SLC38A2: variants seen among roughly 807,000 people sequenced by gnomAD.
SLC38A2 encodes sodium-coupled neutral amino acid symporter 2.
In SLC38A2, 11 loss-of-function variants were observed where a neutral mutation model predicts 61.5. That is an observed-to-expected ratio of 0.18 (90% confidence interval 0.11 to 0.30). SLC38A2 has a LOEUF of 0.30. SLC38A2 is among the 10% of genes least tolerant of loss of function. The pLI is 1.00. For synonymous variants in SLC38A2, 217 were observed against 212.5 expected (o/e 1.02, Z -0.18); for missense variants, 522 against 600.4 (o/e 0.87, Z 1.36).
rs1943193171 is a variant in SLC38A2 at position 46,371,173 on chromosome 12, C to T, written c.116+5G>A. The T allele has an allele frequency of 5.0e-6, 8 of 1,613,912 alleles. No individual in the cohort carries two copies. Among genetic ancestry groups the T allele is most frequent in the Non-Finnish European group, 6.8e-6 (8 of 1,179,732 alleles). ...TTTTTTCAAAAGTGTCACAACTTCT[C>T]CCACCTTTTCAGAGCAGCTTGCTTG... On this transcript the variant is annotated splice_donor_5th_base_variant and intron_variant, in intron 2 of 15. Coordinates refer to ENST00000256689, the MANE Select transcript of SLC38A2 (RefSeq NM_018976.5).
rs1221099362 is a variant in SLC38A2 at position 46,366,932 on chromosome 12, G to A, written c.495C>T (p.Tyr165=). ...TMQNIGAMSS[Y]LFIVKYELPL... Reference sequence around the variant, plus strand: ...GCAACTCATATTTCACTATGAAGAGGTAGCTTGACATAGCTGGAGGAAAAC... The same window carrying A: ...GCAACTCATATTTCACTATGAAGAGATAGCTTGACATAGCTGGAGGAAAAC... The change falls in exon 7 of 16, where the codon TAC becomes TAT. Residue 165 remains tyrosine, a synonymous_variant. Coordinates refer to ENST00000256689, the MANE Select transcript of SLC38A2 (RefSeq NM_018976.5). The A allele has an allele frequency of 1.2e-5, 19 of 1,613,594 alleles. No homozygotes were observed. The highest frequency in any genetic ancestry group is 1.5e-5 in the Non-Finnish European group (18 of 1,179,928).
Position 46,371,189 on chromosome 12 carries a change from A to C in SLC38A2, c.105T>G (p.Ala35=). 1 of 1,614,172 alleles carries C rather than the reference A, an allele frequency of 6.2e-7. No homozygotes were observed. The highest frequency in any genetic ancestry group is 1.1e-5 in the South Asian group (1 of 91,082). The stretch of plus-strand genomic sequence containing the variant: ...ACAACTTCTCCCACCTTTTCAGAGC[A>C]GCTTGCTTGGTGGGGTAGGAGTAGT... The part of the protein sequence containing the change: ...DFNYSYPTKQ[A]ALKSHYADVD... Residue 35 remains alanine, a synonymous_variant, in exon 2 of 16, where the codon GCT becomes GCG. Coordinates refer to ENST00000256689, the MANE Select transcript of SLC38A2 (RefSeq NM_018976.5).
chr12:46,364,363 T>C (rs201068024), intron 10 of SLC38A2, 26 bp downstream of exon 10: 2 of 1,511,244 alleles, frequency 1.3e-6, no homozygotes, highest in African/African-American at 3.2e-5. Flanking sequence ...AACTCTTCTT[T>C]TGAGAAAATA....
intron 4 of SLC38A2, among the ~76,000 whole-genome samples, chr12:46,367,796 G>A (rs949537459): frequency 9.9e-5 from 15 of 152,106 alleles, no homozygotes; most frequent in African/African-American, 3.4e-4. Flanking sequence ...ACTGAGACAC[G>A]TTCAGGAAAG....
chr12:46,363,648 T>C (rs766634901), intron 12 of SLC38A2, 78 bp downstream of exon 12: 3 of 856,676 alleles, frequency 3.5e-6, no homozygotes, highest in Non-Finnish European at 5.4e-6. Context: ...GAACTACACA[T>C]AGAAAACTAG....
At chr12:46,369,120 CAG>C (rs1299205091) in intron 4 of SLC38A2, among the ~76,000 whole-genome samples, 2 of 152,194 alleles carry the variant, frequency 1.3e-5, no homozygotes, top group Non-Finnish European at 2.9e-5. Context: ...ACTTATGAAA[CAG>C]AGGTGCCATT....
chr12:46,365,763 G>A (rs949883355), intron 7 of SLC38A2, among the ~76,000 whole-genome samples: 5 of 151,984 alleles, frequency 3.3e-5, no homozygotes, highest in African/African-American at 1.2e-4. Flanking sequence ...GGTTATCAGA[G>A]TATGTTGTGA....
At chr12:46,364,759 A>G (rs1049186820) in intron 8 of SLC38A2, 57 bp from the exon 9 acceptor site, 28 of 1,526,978 alleles carry the variant, frequency 1.8e-5, no homozygotes, top group Middle Eastern at 1.7e-4. Context: ...TTTAAGGCAA[A>G]TATCTTTTTC....
Position 46,364,542 on chromosome 12 carries a change from T to C in SLC38A2, c.720A>G (p.Lys240=). ...VFFLIVVICK[K]FQVPCPVEAA... ...CTTCCACAGGACACGGAACCTGAAA[T>C]TTCTTGCAAATGACCTAAAAATATA... The change falls in exon 10 of 16, where the codon AAA becomes AAG. Residue 240 remains lysine, a synonymous_variant. Coordinates refer to ENST00000256689, the MANE Select transcript of SLC38A2 (RefSeq NM_018976.5). The C allele has an allele frequency of 6.2e-7, 1 of 1,603,904 alleles. No homozygotes were observed. Among genetic ancestry groups the C allele is most frequent in the Non-Finnish European group, 8.5e-7 (1 of 1,176,986 alleles).
chr12:46,360,946 C>A lies in SLC38A2; in HGVS notation c.*165G>T. The A allele has an allele frequency of 1.8e-6, 1 of 565,978 alleles. No individual in the cohort carries two copies. Among genetic ancestry groups the A allele is most frequent in the Non-Finnish European group, 3.1e-6 (1 of 324,778 alleles). The allele number at this position is 565,978 out of a possible 1,614,324, so 35.1% of individuals were successfully genotyped here. A position where few individuals can be genotyped will look rare whatever the true frequency, so the allele number is the denominator to read the frequency against. On this transcript the variant is annotated 3_prime_UTR_variant, in exon 16 of 16. Transcript: ENST00000256689. ...CATACAGATAAGTTTCTTAAAAAAA[C>A]AAAACAAAACAAAAAAGTTCACTTA...
In SLC38A2 at chr12:46,367,137, C is replaced by T. The variant is rs377656040; in HGVS notation, c.420G>A (p.Lys140=). 1 of 1,614,026 alleles carries T rather than the reference C, an allele frequency of 6.2e-7. No homozygotes were observed. The highest frequency in any genetic ancestry group is 8.5e-7 in the Non-Finnish European group (1 of 1,179,936). The part of the protein sequence containing the change: ...GSLLYEQLGY[K]AFGLVGKLAA... ...CAAGCTTTCCAACTAATCCAAATGC[C>T]TTATATCCCAATTGTTCATATAATA... The change falls in exon 6 of 16, where the codon AAG becomes AAA. Residue 140 remains lysine, a synonymous_variant. Coordinates refer to ENST00000256689, the MANE Select transcript of SLC38A2 (RefSeq NM_018976.5).
intron 4 of SLC38A2, among the ~76,000 whole-genome samples, chr12:46,368,426 G>A (rs1048062078): frequency 6.6e-6 from 1 of 152,134 alleles, no homozygotes; most frequent in Non-Finnish European, 1.5e-5. Flanking sequence ...AGTGACTAAA[G>A]GGACCCTAAT....
intron 7 of SLC38A2, 137 bp from the exon 8 acceptor site, chr12:46,365,326 C>T (rs973457068): frequency 7.5e-5 from 55 of 735,282 alleles, no homozygotes; most frequent in Non-Finnish European, 1.0e-4. Context: ...AAAGTTTCCC[C>T]TGTTCAAGAT....
intron 10 of SLC38A2, 83 bp from the exon 11 acceptor site, chr12:46,364,086 C>G: frequency 1.6e-6 from 2 of 1,221,704 alleles, no homozygotes; most frequent in Non-Finnish European, 2.3e-6. Context: ...TTTATGTAAA[C>G]AATCTTAGAA....
rs765880916 is a variant in SLC38A2, at chr12:46,359,625, C to T, written c.*1486G>A. Reference sequence around the variant, plus strand: ...GATTTTAGACATTATGCCTGATGAGCGAAGTACCACATTATTTAATAATAT... The same window carrying T: ...GATTTTAGACATTATGCCTGATGAGTGAAGTACCACATTATTTAATAATAT... On this transcript the variant is annotated 3_prime_UTR_variant, in exon 16 of 16. Coordinates refer to ENST00000256689, the MANE Select transcript of SLC38A2 (RefSeq NM_018976.5). The T allele has an allele frequency of 2.0e-5, 3 of 152,436 alleles. No homozygotes were observed. Among genetic ancestry groups the T allele is most frequent in the African/African-American group, 7.2e-5 (3 of 41,420 alleles). 9.4% of individuals were successfully genotyped at this position (152,436 alleles called of 1,614,324 possible).
chr12:46,361,382 A>C (rs915017252), intron 15 of SLC38A2, among the ~76,000 whole-genome samples, 173 bp from the exon 16 acceptor site: 3 of 152,234 alleles, frequency 2.0e-5, no homozygotes, highest in Non-Finnish European at 4.4e-5. Context: ...TGTTATCTGC[A>C]GTACACAATA....
chr12:46,364,092 T>G, intron 10 of SLC38A2, 89 bp from the exon 11 acceptor site: 1 of 1,183,502 alleles, frequency 8.4e-7, no homozygotes, highest in Non-Finnish European at 1.2e-6. Context: ...TAAACAATCT[T>G]AGAATCAAAG....
chr12:46,369,039 A>G (rs1363933601), intron 4 of SLC38A2, among the ~76,000 whole-genome samples: 1 of 152,258 alleles, frequency 6.6e-6, no homozygotes, highest in Non-Finnish European at 1.5e-5. Context: ...GCAAAATGGT[A>G]AATCAATGAC....
rs971721002 is a variant in SLC38A2, at chr12:46,372,511, C to T, written c.-89G>A. 16 of 389,010 alleles carry T rather than the reference C, an allele frequency of 4.1e-5. No homozygotes were observed. Among genetic ancestry groups the T allele is most frequent in the East Asian group, 1.1e-4 (3 of 27,618 alleles). The allele number at this position is 389,010 out of a possible 1,614,324, so 24.1% of individuals were successfully genotyped here. A position where few individuals can be genotyped will look rare whatever the true frequency, so the allele number is the denominator to read the frequency against. On this transcript the variant is annotated splice_region_variant and 5_prime_UTR_variant, in exon 1 of 16. Transcript: ENST00000256689. ...AGACGCCCCCCCGCACGCGTTACCTCGGTGGTCTCTATTCTCACGCAGACG... is the reference window on the plus strand; with the variant it reads ...AGACGCCCCCCCGCACGCGTTACCTTGGTGGTCTCTATTCTCACGCAGACG...
Sources: allele counts gnomAD v4.1 joint callset (sites outside exome capture counted in the v4.1 genomes callset), GRCh38; gene constraint gnomAD v4.1.1; transcripts MANE v1.5; gene names NCBI Gene and HGNC (gene_info 2026-07-23, HGNC 2026-07-21).